The following CIMIP3 variants were observed in gnomAD, a reference collection of about 807,000 sequenced individuals.
The protein encoded by CIMIP3 is GUCA1A neighbor.
the CIMIP3 span, among the ~76,000 whole-genome samples, chr6:42,161,244 GA>G: frequency 6.6e-6 from 1 of 152,094 alleles, no homozygotes; most frequent in Non-Finnish European, 1.5e-5. Context: ...TTGAGCAAAG[GA>G]GACTTCTTTT....
the CIMIP3 span, among the ~76,000 whole-genome samples, chr6:42,157,998 C>T: frequency 6.6e-6 from 1 of 152,200 alleles, no homozygotes; most frequent in African/African-American, 2.4e-5. Flanking sequence ...CGCTGGAAGG[C>T]AGTAGCACCC....
chr6:42,156,809 A>T, the CIMIP3 span, among the ~76,000 whole-genome samples: 1 of 152,262 alleles, frequency 6.6e-6, no homozygotes, highest in Non-Finnish European at 1.5e-5. Flanking sequence ...CTGTAAGAAC[A>T]GGGTCAGGCC....
At chr6:42,162,989 C>A in the CIMIP3 span, 9 of 714,500 alleles carry the variant, frequency 1.3e-5, no homozygotes, top group South Asian at 1.0e-4. Flanking sequence ...GAAGGCTCCA[C>A]ACTCGTCCCG....
the CIMIP3 span, chr6:42,162,812 C>T: frequency 5.4e-6 from 3 of 552,316 alleles, no homozygotes; most frequent in Non-Finnish European, 9.9e-6. Flanking sequence ...CAGAGTGGCT[C>T]TGGGGGCTTC....
chr6:42,162,606 G>A, the CIMIP3 span, among the ~76,000 whole-genome samples: 4 of 150,100 alleles, frequency 2.7e-5, no homozygotes, highest in Admixed American at 1.3e-4. Context: ...CCAAGGACAC[G>A]GACAGACGAT....
the CIMIP3 span, among the ~76,000 whole-genome samples, chr6:42,159,787 G>A: frequency 1.3e-5 from 2 of 152,234 alleles, no homozygotes; most frequent in African/African-American, 4.8e-5. Context: ...AGCACAGGGT[G>A]TGGAAAGACC....
At chr6:42,163,372 G>GC in the CIMIP3 span, 2 of 417,886 alleles carry the variant, frequency 4.8e-6, no homozygotes, top group Non-Finnish European at 8.5e-6. Context: ...GCTGTGCCAT[G>GC]CCCACCTATT....
the CIMIP3 span, among the ~76,000 whole-genome samples, chr6:42,158,304 C>G: frequency 6.6e-6 from 1 of 152,226 alleles, no homozygotes; most frequent in East Asian, 1.9e-4. Context: ...TGGAGGCTGG[C>G]TTGGCCCCTA....
the CIMIP3 span, chr6:42,155,678 G>A: frequency 1.1e-4 from 81 of 715,556 alleles, no homozygotes; most frequent in South Asian, 1.1e-3. Context: ...GGACCTCTGC[G>A]ATCTCTCTGG....
At chr6:42,158,326 G>A in the CIMIP3 span, among the ~76,000 whole-genome samples, 1 of 152,198 alleles carries the variant, frequency 6.6e-6, no homozygotes, top group Non-Finnish European at 1.5e-5. Context: ...AAAGGGCAGG[G>A]GAGGGCTAGT....
the CIMIP3 span, chr6:42,163,404 CTCTT>C: frequency 4.9e-6 from 2 of 405,044 alleles, no homozygotes; most frequent in Non-Finnish European, 8.7e-6. Flanking sequence ...AGGGAGGTCT[CTCTT>C]CTCAGCAGCA....
the CIMIP3 span, among the ~76,000 whole-genome samples, chr6:42,156,437 C>T: frequency 2.0e-5 from 3 of 151,900 alleles, no homozygotes; most frequent in Non-Finnish European, 4.4e-5. Flanking sequence ...GTGTGAGCCA[C>T]CGGGCCCTGC....
At chr6:42,162,081 A>G in the CIMIP3 span, among the ~76,000 whole-genome samples, 1 of 138,694 alleles carries the variant, frequency 7.2e-6, no homozygotes, top group South Asian at 2.3e-4. Context: ...GGAGAGTGGA[A>G]GCCACATTCT....
At chr6:42,158,173 TAAAAG>T in the CIMIP3 span, among the ~76,000 whole-genome samples, 15 of 152,156 alleles carry the variant, frequency 9.9e-5, no homozygotes, top group Admixed American at 8.5e-4. Context: ...AATAGCCAGT[TAAAAG>T]AAACCAGATG....
At chr6:42,160,547 G>A in the CIMIP3 span, among the ~76,000 whole-genome samples, 111,850 of 152,150 alleles carry the variant, frequency 0.74, 41,231 homozygotes, top group African/African-American at 0.77. Flanking sequence ...AAGATGAGAC[G>A]AGACTGCAGC....
At chr6:42,160,356 C>T in the CIMIP3 span, among the ~76,000 whole-genome samples, 1 of 152,210 alleles carries the variant, frequency 6.6e-6, no homozygotes, top group Non-Finnish European at 1.5e-5. Context: ...CTATAAGCCC[C>T]TGTGCCCTGG....
At chr6:42,157,663 T>A in the CIMIP3 span, among the ~76,000 whole-genome samples, 1 of 152,084 alleles carries the variant, frequency 6.6e-6, no homozygotes, top group African/African-American at 2.4e-5. Context: ...GTGCTAGGAT[T>A]ATAGGCATGA....
At chr6:42,162,357 G>T in the CIMIP3 span, among the ~76,000 whole-genome samples, 1 of 151,572 alleles carries the variant, frequency 6.6e-6, no homozygotes, top group African/African-American at 2.4e-5. Context: ...GGAGGTTGCA[G>T]TGAGCCGAGA....
chr6:42,156,322 T>TC, the CIMIP3 span, among the ~76,000 whole-genome samples: 1 of 146,752 alleles, frequency 6.8e-6, no homozygotes, highest in Admixed American at 6.9e-5. Context: ...TTTTTTTTTT[T>TC]ACTTTTTTAT....
Sources: gnomAD v4.1 joint callset for allele counts (sites outside exome capture counted in the v4.1 genomes callset) on GRCh38, gnomAD v4.1.1 for gene constraint, MANE v1.5 for transcripts, NCBI Gene and HGNC (gene_info 2026-07-23, HGNC 2026-07-21) for gene names.